Variants in GRK6 observed in about 807,000 individuals in gnomAD.
GRK6 encodes G protein-coupled receptor kinase 6.
In GRK6, 37 loss-of-function variants were observed where a neutral mutation model predicts 80.8. The observed-to-expected ratio is 0.46, with a 90% CI of 0.35 to 0.60. The LOEUF (loss-of-function observed/expected upper bound fraction) is 0.60, where lower values mean the gene tolerates loss of function less well. GRK6 is among the 20% of genes least tolerant of loss of function. The pLI, the probability that GRK6 is intolerant of heterozygous loss-of-function variation, is 0.00. For synonymous variants in GRK6, 295 were observed against 320.9 expected, an observed-to-expected ratio of 0.92 and a Z score of 0.86; for missense variants, 560 against 784.6, an observed-to-expected ratio of 0.71 and a Z score of 3.42.
intron 1 of GRK6, 152 bp from the exon 2 acceptor site, chr5:177,430,720 G>A (rs1337902995): frequency 3.1e-6 from 2 of 644,154 alleles, no homozygotes; most frequent in Non-Finnish European, 5.6e-6. Flanking sequence ...ACGCAGCAAG[G>A]GCGTGCTGGA....
intron 1 of GRK6, 112 bp from the exon 2 acceptor site, chr5:177,430,760 T>G: frequency 1.2e-6 from 1 of 852,428 alleles, no homozygotes; most frequent in Non-Finnish European, 1.9e-6. Flanking sequence ...GAGGTGCTGT[T>G]CTGCCTCAGC....
Position 177,442,154 on chromosome 5 carries a change from G to A in GRK6, c.*364G>A. The A allele has an allele frequency of 6.7e-6, 2 of 297,028 alleles. No homozygotes were observed. Among genetic ancestry groups the A allele is most frequent in the Non-Finnish European group, 1.3e-5 (2 of 158,374 alleles). The allele number at this position is 297,028 out of a possible 1,614,324, so 18.4% of individuals were successfully genotyped here. A position where few individuals can be genotyped will look rare whatever the true frequency, so the allele number is the denominator to read the frequency against. On this transcript the variant is annotated 3_prime_UTR_variant, in exon 16 of 16. Transcript: ENST00000355472. Reference sequence around the variant, plus strand: ...GCCCTGGCTGGGAGAGCGGGAGCTGGCAGAGGAGCCACTGCCAAACTCAAG... The same window carrying A: ...GCCCTGGCTGGGAGAGCGGGAGCTGACAGAGGAGCCACTGCCAAACTCAAG...
At chr5:177,427,488 G>A (rs1322856790) in intron 1 of GRK6, among the ~76,000 whole-genome samples, 1 of 152,252 alleles carries the variant, frequency 6.6e-6, no homozygotes, top group African/African-American at 2.4e-5. Context: ...GACACAGAAA[G>A]AAGTGGGAGC....
Position 177,441,041 on chromosome 5 carries a change from C to G in GRK6, c.1665C>G (p.Leu555=). The change falls in exon 15 of 16, where the codon CTC becomes CTG. Residue 555 remains leucine (L), a synonymous_variant. Coordinates refer to ENST00000355472, the MANE Select transcript of GRK6 (RefSeq NM_001004106.3). ...CTAAAAAGGGACTGCTGCAGAGACT[C>G]TTCAGTCGCCAAGTAAGCCCCAGCA... ...APPKKGLLQR[L]FSRQDCCGNC... is the part of the protein sequence containing the mutation. The G allele has an allele frequency of 6.2e-7, 1 of 1,613,862 alleles. No homozygotes were observed. The highest frequency in any genetic ancestry group is 1.1e-5 in the South Asian group (1 of 91,066).
chr5:177,441,220 C>T lies in GRK6; in HGVS notation c.1677+167C>T, dbSNP rs141010807. On this transcript the variant is annotated intron_variant, in intron 15 of 15. Transcript: ENST00000355472. ...CGCCTGTCCCCCACCCCTGGCTGGG[C>T]TCATGGCCTCTTTTCTCTTTCCAGA... 6.0e-4 allele frequency: 910 copies of T among 1,514,438 alleles called. 1 individual carries two copies. In the African/African-American group the frequency reaches 0.011, roughly 19 times the overall value. 93.8% of individuals were successfully genotyped at this position (1,514,438 alleles called of 1,614,324 possible). A position where few individuals can be genotyped will look rare whatever the true frequency, so the allele number is the denominator to read the frequency against.
intron 9 of GRK6, among the ~76,000 whole-genome samples, 195 bp from the exon 10 acceptor site, chr5:177,434,707 T>G (rs1764062990): frequency 6.6e-6 from 1 of 152,192 alleles, no homozygotes; most frequent in South Asian, 2.1e-4. Flanking sequence ...GAGTCCTGGC[T>G]CTAGATCCTT....
intron 5 of GRK6, 72 bp from the exon 6 acceptor site, chr5:177,433,075 C>A: frequency 7.5e-7 from 1 of 1,337,206 alleles, no homozygotes; most frequent in Non-Finnish European, 1.1e-6. Flanking sequence ...GAACGGGAGG[C>A]CTGGCCCAGC....
At chr5:177,440,623 A>T (rs1764434108) in intron 13 of GRK6, 77 bp from the exon 14 acceptor site, 2 of 1,565,414 alleles carry the variant, frequency 1.3e-6, no homozygotes, top group Admixed American at 1.7e-5. Flanking sequence ...CCAAGACCCG[A>T]GGCAGAATCA....
rs369878845 is a variant in GRK6 at position 177,432,663 on chromosome 5, C to T, written c.340-43C>T. Reference sequence around the variant, plus strand: ...CTCTCCCCTGGAAGTGGGCAGCCATCCAAGGGAGCCCCTGCACTGACCTGT... The same window carrying T: ...CTCTCCCCTGGAAGTGGGCAGCCATTCAAGGGAGCCCCTGCACTGACCTGT... On this transcript the variant is annotated intron_variant, in intron 4 of 15. Coordinates refer to ENST00000355472, the MANE Select transcript of GRK6 (RefSeq NM_001004106.3). 4.4e-6 allele frequency: 6 copies of T among 1,372,750 alleles called. No individual in the cohort carries two copies. In the African/African-American group the frequency reaches 7.2e-5, roughly 17 times the overall value. 85.0% of individuals were successfully genotyped at this position (1,372,750 alleles called of 1,614,324 possible). A position where few individuals can be genotyped will look rare whatever the true frequency, so the allele number is the denominator to read the frequency against.
At chr5:177,430,036 T>A (rs1470149745) in intron 1 of GRK6, among the ~76,000 whole-genome samples, 1 of 143,066 alleles carries the variant, frequency 7.0e-6, no homozygotes, top group Non-Finnish European at 1.5e-5. Context: ...TTTTTTTTTT[T>A]AAACAAAATG....
In GRK6 at chr5:177,442,617, CA is replaced by C. The variant is rs1042855645; in HGVS notation, c.*828del. Reference sequence around the variant, plus strand: ...CCTCATAACAATAGACACATGTGCCCAGCAATAATCCGCCCCTTCCTGTGTG... The same window carrying C: ...CCTCATAACAATAGACACATGTGCCCGCAATAATCCGCCCCTTCCTGTGTG... On this transcript the variant is annotated 3_prime_UTR_variant, in exon 16 of 16. Transcript: ENST00000355472. 7 of 152,840 alleles carry C rather than the reference CA, an allele frequency of 4.6e-5. No individual in the cohort carries two copies. Among genetic ancestry groups the C allele is most frequent in the African/African-American group, 1.4e-4 (6 of 41,446 alleles). The allele number at this position is 152,840 out of a possible 1,614,324, so 9.5% of individuals were successfully genotyped here. A position where few individuals can be genotyped will look rare whatever the true frequency, so the allele number is the denominator to read the frequency against.
intron 2 of GRK6, 76 bp from the exon 3 acceptor site, chr5:177,431,919 G>A (rs1268797105): frequency 7.8e-7 from 1 of 1,287,666 alleles, no homozygotes; most frequent in South Asian, 1.2e-5. Context: ...GGGGCCCAGG[G>A]CCTGGTGGTG....
chr5:177,441,702 C>G, intron 15 of GRK6, 35 bp from the exon 16 acceptor site: 1 of 1,548,498 alleles, frequency 6.5e-7, no homozygotes, highest in Non-Finnish European at 8.9e-7. Flanking sequence ...TGCTCTGCCT[C>G]TCTCCCTCCC....
rs1452637308 is a variant in GRK6, at chr5:177,436,471, A to G, written c.1345A>G (p.Lys449Glu). 2 of 1,611,834 alleles carry G rather than the reference A, an allele frequency of 1.2e-6. No homozygotes were observed. Among genetic ancestry groups the G allele is most frequent in the Non-Finnish European group, 1.7e-6 (2 of 1,179,266 alleles). ...AREVKEHPLF[K>E]KLNFKRLGAG... ...CGAGGTGAAGGAGCACCCCCTCTTT[A>G]AGAAGCTGAACTTCAAGCGGCTGGG... Residue 449 changes from lysine (K) to glutamate (E), a missense_variant, in exon 13 of 16, where the codon AAG (lysine) becomes GAG (glutamate). Physicochemically the swap from Lys to Glu is moderately conservative, Grantham distance 56. Around this residue, in one of 3 missense-constraint regions of GRK6, gnomAD observed 294 missense variants for 397.4 expected, o/e 0.74. Transcript: ENST00000355472.
At chr5:177,441,603 GC>G in intron 15 of GRK6, 133 bp from the exon 16 acceptor site, 1 of 793,388 alleles carries the variant, frequency 1.3e-6, no homozygotes, top group Admixed American at 1.8e-5. Context: ...TTGTGGAGAG[GC>G]CCCTCCCCAG....
chr5:177,430,469 C>G (rs565696313), intron 1 of GRK6, among the ~76,000 whole-genome samples: 1 of 152,194 alleles, frequency 6.6e-6, no homozygotes, highest in Admixed American at 6.5e-5. Flanking sequence ...CTGCCCTGTG[C>G]GTCTCTCAGG....
chr5:177,427,954 C>T (rs957059265), intron 1 of GRK6, among the ~76,000 whole-genome samples: 9 of 152,214 alleles, frequency 5.9e-5, no homozygotes, highest in African/African-American at 2.2e-4. Context: ...TTGTGATTGA[C>T]TCGGGCCTAA....
chr5:177,430,719 G>A (rs1385626602), intron 1 of GRK6, 153 bp from the exon 2 acceptor site: 2 of 642,278 alleles, frequency 3.1e-6, no homozygotes, highest in Admixed American at 2.7e-5. Flanking sequence ...AACGCAGCAA[G>A]GGCGTGCTGG....
Position 177,433,675 on chromosome 5 carries a change from T to A in GRK6, c.737T>A (p.Val246Glu). ...QILEKVNSRF[V>E]VSLAYAYETK... ...CTGGAGAAAGTGAACAGTAGGTTTG[T>A]AGTAAGTACAGAAGGAGACTCTCCC... The change falls in exon 8 of 16, where the codon GTA becomes GAA. Residue 246 changes from valine (V) to glutamate (E), a missense_variant and splice_region_variant. Physicochemically the swap from Val to Glu is moderately radical, Grantham distance 121. This residue lies in a region of GRK6 where 77 missense variants were observed against 156.9 expected (regional missense o/e 0.49). Transcript: ENST00000355472. 6.2e-7 allele frequency: 1 copy of A among 1,614,020 alleles called. No homozygotes were observed. The highest frequency in any genetic ancestry group is 8.5e-7 in the Non-Finnish European group (1 of 1,180,000).
Sources: allele counts gnomAD v4.1 joint callset (sites outside exome capture counted in the v4.1 genomes callset), GRCh38; gene constraint gnomAD v4.1.1; regional missense constraint gnomAD v4.1.1; transcripts MANE v1.5; gene names NCBI Gene and HGNC (gene_info 2026-07-23, HGNC 2026-07-21).